CCSER1: variants seen among roughly 807,000 people sequenced by gnomAD.
CCSER1 encodes the protein serine-rich coiled-coil domain-containing protein 1.
A neutral mutation model predicts 82.0 loss-of-function variants in CCSER1; 41 were observed. That is an observed-to-expected ratio of 0.50 (90% CI 0.39 to 0.65). CCSER1 has a LOEUF of 0.65. Among genes scored for constraint, CCSER1 ranks in the 30% least tolerant of loss-of-function variants. CCSER1 has a pLI of 0.00. For missense variants in CCSER1, 1,119 were observed against 1,064.2 expected (o/e 1.05, Z -0.72); for synonymous variants, 414 against 383.9 (o/e 1.08, Z -0.92).
chr4:90,923,401 C>T lies in CCSER1; in HGVS notation c.2126C>T (p.Ala709Val). Residue 709 changes from alanine to valine, a missense_variant, in exon 9 of 11, where the codon GCT (alanine) becomes GTT (valine). Physicochemically the swap from Ala to Val is moderately conservative, Grantham distance 64. Coordinates refer to ENST00000509176, the MANE Select transcript of CCSER1 (RefSeq NM_001145065.2). ...GKVRHLQKAF[A>V]SRVDKSTQTE... ...GTCCGGCATTTACAGAAGGCTTTTG[C>T]TTCAAGAGTAGATAAATCCACACAG... is the stretch of plus-strand genomic sequence containing the variant. 6.4e-7 allele frequency: 1 copy of T among 1,551,390 alleles called. No homozygotes were observed. The highest frequency in any genetic ancestry group is 8.7e-7 in the Non-Finnish European group (1 of 1,146,776).
intron 5 of CCSER1, among the ~76,000 whole-genome samples, chr4:90,492,223 ACTT>A (rs1445144729): frequency 6.6e-6 from 1 of 151,998 alleles, no homozygotes; most frequent in Non-Finnish European, 1.5e-5. Flanking sequence ...CAGGGATTCA[ACTT>A]CTTCCTGGTT....
At chr4:91,170,821 C>G (rs147496746) in intron 10 of CCSER1, among the ~76,000 whole-genome samples, 19 of 152,304 alleles carry the variant, frequency 1.2e-4, no homozygotes, top group Middle Eastern at 3.4e-3. Flanking sequence ...ATATTATTAT[C>G]TGGGAAATGA....
rs528293315 is a variant in CCSER1 at position 91,225,515 on chromosome 4, G to T, written c.2217+139521G>T. On this transcript the variant is annotated intron_variant, in intron 10 of 10. Transcript: ENST00000509176. The stretch of plus-strand genomic sequence containing the variant: ...CATATTTTTTCCATAGGAATAAAAG[G>T]ACAGGTAATATATTCCTGGATGTGA... Among the ~76,000 whole-genome samples, 17 of 149,726 alleles carry T rather than the reference G, an allele frequency of 1.1e-4. No homozygotes were observed. In the South Asian group the frequency reaches 3.6e-3, roughly 31 times the overall value.
At chr4:90,457,353 G>A (rs539391597) in intron 4 of CCSER1, among the ~76,000 whole-genome samples, 64 of 152,090 alleles carry the variant, frequency 4.2e-4, no homozygotes, top group African/African-American at 1.0e-3. Context: ...TCCTCTTCTC[G>A]TGCTCACAAC....
intron 8 of CCSER1, among the ~76,000 whole-genome samples, chr4:90,831,954 T>C (rs546586869): frequency 1.5e-4 from 23 of 152,220 alleles, no homozygotes; most frequent in Non-Finnish European, 3.4e-4. Context: ...TGTATCTTGC[T>C]TTCTAATAAT....
intron 6 of CCSER1, among the ~76,000 whole-genome samples, chr4:90,670,201 G>A (rs1280282730): frequency 6.6e-6 from 1 of 152,110 alleles, no homozygotes; most frequent in Non-Finnish European, 1.5e-5. Context: ...TTAAGAAAAT[G>A]TTCACATTAT....
intron 8 of CCSER1, among the ~76,000 whole-genome samples, chr4:90,915,467 C>A (rs1287882861): frequency 6.6e-6 from 1 of 152,186 alleles, no homozygotes; most frequent in African/African-American, 2.4e-5. Context: ...TTCAACAACA[C>A]TTCATGCTAA....
intron 5 of CCSER1, among the ~76,000 whole-genome samples, chr4:90,598,295 T>C (rs142988448): frequency 0.04 from 6,052 of 152,154 alleles, 366 homozygotes; most frequent in African/African-American, 0.13. Context: ...ATACTTTAAG[T>C]TTTAGGGTAC....
intron 10 of CCSER1, among the ~76,000 whole-genome samples, chr4:91,440,080 C>T (rs552664154): frequency 3.0e-4 from 46 of 152,018 alleles, no homozygotes; most frequent in African/African-American, 9.9e-4. Context: ...AACAAGGATA[C>T]CCAGGAATTG....
At chr4:90,598,082 A>G (rs1250877594) in intron 5 of CCSER1, among the ~76,000 whole-genome samples, 1 of 152,074 alleles carries the variant, frequency 6.6e-6, no homozygotes, top group Non-Finnish European at 1.5e-5. Flanking sequence ...GACAATTGTG[A>G]ATGACACTGC....
intron 5 of CCSER1, among the ~76,000 whole-genome samples, chr4:90,477,309 G>A (rs1030947873): frequency 6.6e-6 from 1 of 152,146 alleles, no homozygotes; most frequent in East Asian, 1.9e-4. Flanking sequence ...GCAGTTAGAT[G>A]ACATGGAGCA....
At chr4:91,080,927 C>A (rs1474838962) in intron 9 of CCSER1, among the ~76,000 whole-genome samples, 6 of 152,042 alleles carry the variant, frequency 3.9e-5, no homozygotes, top group Admixed American at 1.3e-4. Flanking sequence ...AGCCTACCAA[C>A]CAAAAAAAGT....
Position 90,749,358 on chromosome 4 carries a change from C to T in CCSER1, c.2010+25367C>T, listed in dbSNP as rs978581510. Reference sequence around the variant, plus strand: ...AGATCAGATAGTTGTAGATATGCGGCGTTATTTCTGAGGGCTCTGTTCTGT... The same window carrying T: ...AGATCAGATAGTTGTAGATATGCGGTGTTATTTCTGAGGGCTCTGTTCTGT... On this transcript the variant is annotated intron_variant, in intron 7 of 10. Transcript: ENST00000509176. Among the ~76,000 whole-genome samples the T allele has an allele frequency of 2.0e-3, 308 of 151,564 alleles. 4 individuals are homozygous for T. Among genetic ancestry groups the T allele is most frequent in the African/African-American group, 7.1e-3 (294 of 41,328 alleles).
At chr4:91,500,201 A>C (rs749605750) in intron 10 of CCSER1, among the ~76,000 whole-genome samples, 2 of 151,950 alleles carry the variant, frequency 1.3e-5, no homozygotes, top group Non-Finnish European at 2.9e-5. Context: ...TTGTTGTTTC[A>C]ATTTGCAATG....
chr4:91,433,084 T>G (rs1304711575), intron 10 of CCSER1, among the ~76,000 whole-genome samples: 1 of 152,190 alleles, frequency 6.6e-6, no homozygotes, highest in African/African-American at 2.4e-5. Context: ...GCCACATTAA[T>G]TTACTCTTTA....
intron 5 of CCSER1, among the ~76,000 whole-genome samples, chr4:90,523,213 TA>T (rs1176122541): frequency 6.6e-6 from 1 of 152,190 alleles, no homozygotes; most frequent in African/African-American, 2.4e-5. Flanking sequence ...TTTGTTTTAC[TA>T]ATTAAGAAAA....
intron 10 of CCSER1, among the ~76,000 whole-genome samples, chr4:91,285,561 C>G (rs1011050421): frequency 6.6e-6 from 1 of 151,458 alleles, no homozygotes; most frequent in Non-Finnish European, 1.5e-5. Context: ...TGAGTTAATC[C>G]TACTAAAAAT....
chr4:90,768,269 AG>A (rs2149550413), intron 7 of CCSER1, among the ~76,000 whole-genome samples: 1 of 152,250 alleles, frequency 6.6e-6, no homozygotes, highest in South Asian at 2.1e-4. Flanking sequence ...CGACCTTGTG[AG>A]TAAGTAGATG....
intron 10 of CCSER1, among the ~76,000 whole-genome samples, chr4:91,170,363 C>T (rs986146288): frequency 6.6e-6 from 1 of 151,918 alleles, no homozygotes; most frequent in Non-Finnish European, 1.5e-5. Flanking sequence ...TAAAAAGGAG[C>T]AGGAAAAGCA....
Sources: gnomAD v4.1 joint callset for allele counts (sites outside exome capture counted in the v4.1 genomes callset) on GRCh38, gnomAD v4.1.1 for gene constraint, MANE v1.5 for transcripts, NCBI Gene and HGNC (gene_info 2026-07-23, HGNC 2026-07-21) for gene names.